SGCZ: variants seen among roughly 807,000 people sequenced by gnomAD.
SGCZ encodes sarcoglycan zeta, also known as zeta-sarcoglycan.
A neutral mutation model predicts 41.3 loss-of-function variants in SGCZ; 40 were observed. The ratio of observed to expected loss-of-function variants is 0.97; its 90% CI spans 0.75 to 1.26. The LOEUF (loss-of-function observed/expected upper bound fraction) is 1.26, where lower values mean the gene tolerates loss of function less well. Ranked by LOEUF, SGCZ falls within the 50% of genes most tolerant of loss-of-function variation. SGCZ has a pLI of 0.00. For missense variants in SGCZ, 552 were observed against 369.8 expected, an observed-to-expected ratio of 1.49 and a Z score of -4.04; for synonymous variants, 206 against 137.5, an observed-to-expected ratio of 1.50 and a Z score of -3.49.
At chr8:15,062,500 A>T (rs541567053) in intron 1 of SGCZ, among the ~76,000 whole-genome samples, 9 of 152,156 alleles carry the variant, frequency 5.9e-5, no homozygotes, top group Non-Finnish European at 1.2e-4. Flanking sequence ...AACTACTACA[A>T]ATAGAAATAG....
At chr8:14,285,553 G>C (rs1383720932) in intron 3 of SGCZ, among the ~76,000 whole-genome samples, 1 of 147,074 alleles carries the variant, frequency 6.8e-6, no homozygotes, top group African/African-American at 2.5e-5. Flanking sequence ...TGAAAAAATA[G>C]GTCCTATCTA....
At chr8:14,364,629 A>G (rs1267049157) in intron 2 of SGCZ, among the ~76,000 whole-genome samples, 1 of 152,084 alleles carries the variant, frequency 6.6e-6, no homozygotes, top group African/African-American at 2.4e-5. Context: ...ATGCGTTATC[A>G]TATTGTCATT....
chr8:14,928,860 G>T (rs1425629560), intron 1 of SGCZ, among the ~76,000 whole-genome samples: 1 of 152,064 alleles, frequency 6.6e-6, no homozygotes, highest in Non-Finnish European at 1.5e-5. Flanking sequence ...ATACAGAAAT[G>T]AATGGATAAT....
intron 1 of SGCZ, among the ~76,000 whole-genome samples, chr8:15,143,772 T>TAGCAAAATATCTG (rs1464442773): frequency 1.9e-3 from 1 of 524 alleles, no homozygotes; most frequent in African/African-American, 1.9e-3. Context: ...TATTACCTTT[T>TAGCAAAATATCTG]TTTTTTTTTT....
chr8:14,579,416 ACTCT>A (rs1028119101), intron 1 of SGCZ, among the ~76,000 whole-genome samples: 3 of 152,024 alleles, frequency 2.0e-5, no homozygotes, highest in Non-Finnish European at 4.4e-5. Context: ...CCCTTAATAC[ACTCT>A]CTATCAAGCA....
chr8:15,234,942 C>T (rs983901591), intron 1 of SGCZ, among the ~76,000 whole-genome samples: 1 of 152,152 alleles, frequency 6.6e-6, no homozygotes, highest in African/African-American at 2.4e-5. Flanking sequence ...ATTTATGTAT[C>T]AAACCCCAGT....
intron 1 of SGCZ, among the ~76,000 whole-genome samples, chr8:14,938,429 C>T (rs1040355075): frequency 3.9e-5 from 6 of 152,210 alleles, no homozygotes; most frequent in East Asian, 3.9e-4. Context: ...AAGATGAAGA[C>T]ATTTATGATG....
intron 5 of SGCZ, among the ~76,000 whole-genome samples, chr8:14,113,345 C>T (rs971006630): frequency 1.3e-5 from 2 of 152,074 alleles, no homozygotes; most frequent in Non-Finnish European, 2.9e-5. Context: ...GGTTTACTGC[C>T]TGTAGTACTT....
At chr8:15,105,807 A>G (rs960144411) in intron 1 of SGCZ, among the ~76,000 whole-genome samples, 3 of 152,168 alleles carry the variant, frequency 2.0e-5, no homozygotes, top group Admixed American at 2.0e-4. Flanking sequence ...ATTGGTTTCT[A>G]TAATTGAGTG....
chr8:14,944,013 G>A (rs1432816962), intron 1 of SGCZ, among the ~76,000 whole-genome samples: 1 of 152,048 alleles, frequency 6.6e-6, no homozygotes, highest in African/African-American at 2.4e-5. Flanking sequence ...TACTGCTGAT[G>A]GGCATTTAGG....
At chr8:14,201,060 G>C (rs1191156893) in intron 4 of SGCZ, among the ~76,000 whole-genome samples, 2 of 152,154 alleles carry the variant, frequency 1.3e-5, no homozygotes, top group East Asian at 3.9e-4. Flanking sequence ...CTAGTAATTA[G>C]GAAAATGACA....
chr8:15,012,630 A>G (rs1378959707), intron 1 of SGCZ, among the ~76,000 whole-genome samples: 1 of 124,954 alleles, frequency 8.0e-6, no homozygotes, highest in Non-Finnish European at 1.6e-5. Context: ...TATATAATAT[A>G]TAAACATATA....
intron 4 of SGCZ, among the ~76,000 whole-genome samples, chr8:14,205,454 T>G (rs1396238162): frequency 6.6e-6 from 1 of 152,230 alleles, no homozygotes; most frequent in Non-Finnish European, 1.5e-5. Context: ...GTCCAATTGA[T>G]ACATGTTTCA....
chr8:14,311,031 C>T (rs1032582157), intron 3 of SGCZ, among the ~76,000 whole-genome samples: 1 of 152,164 alleles, frequency 6.6e-6, no homozygotes, highest in African/African-American at 2.4e-5. Flanking sequence ...TGAAACCAAA[C>T]TGACCTAGTC....
intron 4 of SGCZ, among the ~76,000 whole-genome samples, chr8:14,195,246 G>C (rs1433876847): frequency 6.6e-6 from 1 of 151,992 alleles, no homozygotes; most frequent in Non-Finnish European, 1.5e-5. Context: ...GTATTAAAAA[G>C]ACCCAAATCA....
rs544641026 is a variant in SGCZ at position 14,239,709 on chromosome 8, C to T, written c.337-2030G>A. ...CGAGGTCAGGAGATCGAGACCATCC[C>T]GGCTAAAACGGTGAAACCCCGTCTC... is the stretch of plus-strand genomic sequence containing the variant. On this transcript the variant is annotated intron_variant, in intron 3 of 7. Coordinates refer to ENST00000382080, the MANE Select transcript of SGCZ (RefSeq NM_139167.4). Among the ~76,000 whole-genome samples, 15 of 150,876 alleles carry T rather than the reference C, an allele frequency of 9.9e-5. No homozygotes were observed. The South Asian group carries it at 2.7e-3, about 27-fold the overall frequency.
At chr8:15,217,830 A>G (rs1234952361) in intron 1 of SGCZ, among the ~76,000 whole-genome samples, 1 of 152,042 alleles carries the variant, frequency 6.6e-6, no homozygotes, top group East Asian at 1.9e-4. Context: ...ATTCATGCCT[A>G]TAATCCCAGC....
intron 1 of SGCZ, among the ~76,000 whole-genome samples, chr8:14,800,222 T>G (rs1263467708): frequency 6.6e-6 from 1 of 152,202 alleles, no homozygotes; most frequent in African/African-American, 2.4e-5. Context: ...CTAACACATG[T>G]GTTTAGGAAA....
intron 1 of SGCZ, among the ~76,000 whole-genome samples, chr8:15,227,090 G>A (rs2117198256): frequency 6.6e-6 from 1 of 152,278 alleles, no homozygotes; most frequent in South Asian, 2.1e-4. Flanking sequence ...AATAGGAGAG[G>A]TGTGCATGTA....
Sources: allele counts gnomAD v4.1 joint callset (sites outside exome capture counted in the v4.1 genomes callset), GRCh38; gene constraint gnomAD v4.1.1; transcripts MANE v1.5; gene names NCBI Gene and HGNC (gene_info 2026-07-23, HGNC 2026-07-21).